The following PTGIS variants were observed in gnomAD, a reference collection of about 807,000 sequenced individuals.
PTGIS encodes prostaglandin I2 synthase.
Under a neutral mutation model 50.3 loss-of-function variants are expected in PTGIS, and 45 were observed. The ratio of observed to expected loss-of-function variants is 0.90; its 90% confidence interval spans 0.70 to 1.15. The LOEUF (loss-of-function observed/expected upper bound fraction) is 1.15, where lower values mean the gene tolerates loss of function less well. Ranked by LOEUF, PTGIS falls within the 50% of genes most tolerant of loss-of-function variation. The pLI, the probability that PTGIS is intolerant of heterozygous loss-of-function variation, is 0.00. For missense variants in PTGIS, 668 were observed against 661.3 expected, an observed-to-expected ratio of 1.01 and a Z score of -0.11; for synonymous variants, 260 against 267.7, an observed-to-expected ratio of 0.97 and a Z score of 0.28.
At position 49,511,179 on chromosome 20, in the gene PTGIS, C is replaced by G; in HGVS notation, c.1207G>C (p.Val403Leu). 1 of 1,614,092 alleles carries G rather than the reference C, an allele frequency of 6.2e-7. No individual in the cohort carries two copies. Among genetic ancestry groups the G allele is most frequent in the Non-Finnish European group, 8.5e-7 (1 of 1,180,018 alleles). ...RDPEIYTDPE[V>L]FKYNRFLNPD... ...TTCAGGAATCGGTTGTATTTAAATA[C>G]CTGAAATAGGAAGAAGGTCCTTTTC... The change falls in exon 9 of 10, where the codon GTA (valine) becomes CTA (leucine). Residue 403 changes from valine (V) to leucine (L), a missense_variant and splice_region_variant. Physicochemically the swap from Val to Leu is conservative, Grantham distance 32. Transcript: ENST00000244043.
At chr20:49,556,032 T>C (rs1883668218) in intron 1 of PTGIS, among the ~76,000 whole-genome samples, 2 of 152,240 alleles carry the variant, frequency 1.3e-5, no homozygotes, top group African/African-American at 2.4e-5. Context: ...GTTTAAAACA[T>C]TTGTTGATTC....
rs1982200854 is a variant in PTGIS at position 49,540,630 on chromosome 20, T to TG, written c.522-910dup. Among the ~76,000 whole-genome samples, 1 of 152,078 alleles carries TG rather than the reference T, an allele frequency of 6.6e-6. No homozygotes were observed. The highest frequency in any genetic ancestry group is 1.5e-5 in the Non-Finnish European group (1 of 67,994). On this transcript the variant is annotated intron_variant, in intron 4 of 9. Coordinates refer to ENST00000244043, the MANE Select transcript of PTGIS (RefSeq NM_000961.4). This position sits in a 1 kb window ranked among gnomAD's most constrained non-coding sequence, Gnocchi z 4.8. ...AAAGGGTAAGACATGGGAGCTAGCA[T>TG]GAGCTCTCATGTGCTCTCACTGAGG...
intron 2 of PTGIS, among the ~76,000 whole-genome samples, chr20:49,548,252 A>G (rs1176815382): frequency 2.0e-5 from 3 of 152,076 alleles, no homozygotes; most frequent in Non-Finnish European, 2.9e-5. Context: ...CCAAGATCTC[A>G]TAGCTGAGAA....
intron 9 of PTGIS, among the ~76,000 whole-genome samples, chr20:49,510,484 C>T (rs1209654136): frequency 6.6e-6 from 1 of 152,136 alleles, no homozygotes; most frequent in Non-Finnish European, 1.5e-5. Flanking sequence ...GTTGAGGAAA[C>T]AGGCTCAGAA....
rs13306027 is a variant in PTGIS, at chr20:49,514,311, C to A, written c.940G>T (p.Glu314Ter). 4.7e-5 allele frequency: 76 copies of A among 1,614,000 alleles called. No homozygotes were observed. In the East Asian group the frequency reaches 5.3e-4, roughly 11 times the overall value. The change falls in exon 7 of 10, where the codon GAG becomes TAG. Residue 314 changes from glutamate (E) to a stop codon, truncating the protein, a stop_gained. Transcript: ENST00000244043. LOFTEE classifies it high-confidence loss of function. Reference sequence around the variant, plus strand: ...TGCTCCGCTTGCCAAAGGATACTCTCGAGCTCTCCGCGGACAGCAGCCAGG... The same window carrying A: ...TGCTCCGCTTGCCAAAGGATACTCTAGAGCTCTCCGCGGACAGCAGCCAGG... ...EALAAVRGEL[E>*]SILWQAEQPV...
intron 6 of PTGIS, among the ~76,000 whole-genome samples, chr20:49,520,506 G>A (rs551641822): frequency 1.3e-5 from 2 of 151,986 alleles, no homozygotes; most frequent in South Asian, 2.1e-4. Context: ...GCTAATTTTT[G>A]TATTTTTAGT....
chr20:49,510,534 G>A (rs950908634), intron 9 of PTGIS, among the ~76,000 whole-genome samples: 2 of 152,128 alleles, frequency 1.3e-5, no homozygotes, highest in African/African-American at 4.8e-5. Context: ...TGGACAGGAG[G>A]ACAGGGCAGA....
At chr20:49,527,284 A>C (rs958813818) in intron 5 of PTGIS, among the ~76,000 whole-genome samples, 4 of 133,810 alleles carry the variant, frequency 3.0e-5, no homozygotes. Context: ...GTCTCTACTA[A>C]AATACAAAAA....
chr20:49,533,822 G>A (rs1181885441), intron 5 of PTGIS, among the ~76,000 whole-genome samples: 1 of 152,132 alleles, frequency 6.6e-6, no homozygotes, highest in Non-Finnish European at 1.5e-5. Flanking sequence ...TTATCCGGGG[G>A]TGGTGGTACG....
chr20:49,521,175 T>C (rs1412414072), intron 6 of PTGIS, among the ~76,000 whole-genome samples: 1 of 152,230 alleles, frequency 6.6e-6, no homozygotes, highest in Non-Finnish European at 1.5e-5. Context: ...TCCTTTCATC[T>C]TCACAACCAC....
intron 6 of PTGIS, among the ~76,000 whole-genome samples, chr20:49,522,074 C>G (rs1392736138): frequency 6.6e-6 from 1 of 152,006 alleles, no homozygotes; most frequent in Non-Finnish European, 1.5e-5. Flanking sequence ...AGAAAAATCC[C>G]AAGTCCTCAT....
intron 1 of PTGIS, among the ~76,000 whole-genome samples, chr20:49,555,680 G>T (rs1719964278): frequency 6.6e-6 from 1 of 152,176 alleles, no homozygotes. Flanking sequence ...TAGTAATTAT[G>T]ATTATTATGT....
At chr20:49,529,268 T>C (rs1981873045) in intron 5 of PTGIS, among the ~76,000 whole-genome samples, 1 of 152,122 alleles carries the variant, frequency 6.6e-6, no homozygotes, top group Non-Finnish European at 1.5e-5. Flanking sequence ...ACACCCCCAT[T>C]TCCCCACCTC....
At chr20:49,565,781 G>A (rs1358486738) in intron 1 of PTGIS, among the ~76,000 whole-genome samples, 2 of 152,220 alleles carry the variant, frequency 1.3e-5, no homozygotes, top group African/African-American at 2.4e-5. Flanking sequence ...TAACCAGAGT[G>A]TCCCTAGCTG....
Position 49,568,117 on chromosome 20 carries a change from C to CGCGGGGCTGGGGGGGCTGGCGGGGCTG in PTGIS, c.-2_-1insCAGCCCCGCCAGCCCCCCCAGCCCCGC. 1.3e-6 allele frequency: 1 copy of CGCGGGGCTGGGGGGGCTGGCGGGGCTG among 784,884 alleles called. No homozygotes were observed. Among genetic ancestry groups the CGCGGGGCTGGGGGGGCTGGCGGGGCTG allele is most frequent in the Non-Finnish European group, 1.8e-6 (1 of 569,000 alleles). 48.6% of individuals were successfully genotyped at this position (784,884 alleles called of 1,614,324 possible). On this transcript the variant is annotated 5_prime_UTR_variant, in exon 1 of 10. Coordinates refer to ENST00000244043, the MANE Select transcript of PTGIS (RefSeq NM_000961.4). ...GGCCGAGGAGCGCGGCCCAAGCCATCGCGGGGCTGGCGGGGCTGGCGGGGC... is the reference window on the plus strand; with the variant it reads ...GGCCGAGGAGCGCGGCCCAAGCCATCGCGGGGCTGGGGGGGCTGGCGGGGCTGGCGGGGCTGGCGGGGCTGGCGGGGC...
At position 49,504,558 on chromosome 20, in the gene PTGIS, G is replaced by T. The variant is rs1026320625; in HGVS notation, c.*3362C>A. 1.3e-5 allele frequency: 2 copies of T among 152,076 alleles called. No homozygotes were observed. Among genetic ancestry groups the T allele is most frequent in the African/African-American group, 4.8e-5 (2 of 41,410 alleles). The allele number at this position is 152,076 out of a possible 1,614,324, so 9.4% of individuals were successfully genotyped here. A position where few individuals can be genotyped will look rare whatever the true frequency, so the allele number is the denominator to read the frequency against. The stretch of plus-strand genomic sequence containing the variant: ...AAAATACAAAAATCAGTTGGGCGTG[G>T]TGGTGTGCGCCTGTAATCTCAGCTA... On this transcript the variant is annotated 3_prime_UTR_variant, in exon 10 of 10. Transcript: ENST00000244043.
chr20:49,562,890 G>A (rs954651951), intron 1 of PTGIS, among the ~76,000 whole-genome samples: 1 of 152,236 alleles, frequency 6.6e-6, no homozygotes, highest in African/African-American at 2.4e-5. Flanking sequence ...AGATGGAAGA[G>A]CCATGAAGGG....
chr20:49,509,793 T>C (rs1981259617), intron 9 of PTGIS, among the ~76,000 whole-genome samples: 1 of 152,034 alleles, frequency 6.6e-6, no homozygotes, highest in African/African-American at 2.4e-5. Context: ...TCTCTCTTTT[T>C]TTTTTATTAT....
chr20:49,520,317 G>T (rs972997905), intron 6 of PTGIS, among the ~76,000 whole-genome samples: 3 of 151,244 alleles, frequency 2.0e-5, no homozygotes, highest in African/African-American at 7.3e-5. Flanking sequence ...CTTCTCCATA[G>T]AACACATTCC....
Sources: gnomAD v4.1 joint callset for allele counts (sites outside exome capture counted in the v4.1 genomes callset) on GRCh38, gnomAD v4.1.1 for gene constraint, Gnocchi (gnomAD v3.1) non-coding constraint, MANE v1.5 for transcripts, NCBI Gene and HGNC (gene_info 2026-07-23, HGNC 2026-07-21) for gene names.